COL4A1: variants seen among roughly 807,000 people sequenced by gnomAD.
COL4A1 encodes collagen alpha-1(IV) chain.
In COL4A1, 40 loss-of-function variants were observed where a neutral mutation model predicts 216.6. The ratio of observed to expected loss-of-function variants is 0.18; its 90% CI spans 0.14 to 0.24. COL4A1 has a LOEUF of 0.24. COL4A1 is among the 10% of genes least tolerant of loss of function. The pLI is 1.00. For missense variants in COL4A1, 1,628 were observed against 2,196.8 expected, an observed-to-expected ratio of 0.74 and a Z score of 5.18; for synonymous variants, 839 against 810.7, an observed-to-expected ratio of 1.03 and a Z score of -0.59.
At chr13:110,197,431 C>T (rs1244082380) in intron 21 of COL4A1, among the ~76,000 whole-genome samples, 1 of 152,148 alleles carries the variant, frequency 6.6e-6, no homozygotes, top group African/African-American at 2.4e-5. Flanking sequence ...AACCCAAAGG[C>T]CCCTTGGTCA....
intron 1 of COL4A1, among the ~76,000 whole-genome samples, chr13:110,251,112 A>C (rs916874047): frequency 3.3e-5 from 5 of 152,180 alleles, no homozygotes; most frequent in African/African-American, 9.7e-5. Flanking sequence ...GACAGGCACG[A>C]AAAAAGACGT....
At chr13:110,236,742 C>G (rs1432511253) in intron 2 of COL4A1, among the ~76,000 whole-genome samples, 1 of 152,228 alleles carries the variant, frequency 6.6e-6, no homozygotes, top group Non-Finnish European at 1.5e-5. Flanking sequence ...AGTGCTCACG[C>G]TGGGGGTGTT....
At chr13:110,302,637 T>C (rs1304923103) in intron 1 of COL4A1, among the ~76,000 whole-genome samples, 1 of 152,244 alleles carries the variant, frequency 6.6e-6, no homozygotes, top group Non-Finnish European at 1.5e-5. Flanking sequence ...GCTCACTGTG[T>C]ACCAGACTAT....
intron 17 of COL4A1, among the ~76,000 whole-genome samples, chr13:110,204,645 T>C (rs1396170390): frequency 1.7e-5 from 2 of 115,348 alleles, no homozygotes; most frequent in African/African-American, 2.9e-5. Context: ...AAATATTTTT[T>C]AGATTTTTTT....
At chr13:110,279,292 G>GT (rs1397479135) in intron 1 of COL4A1, among the ~76,000 whole-genome samples, 1 of 152,062 alleles carries the variant, frequency 6.6e-6, no homozygotes, top group Non-Finnish European at 1.5e-5. Flanking sequence ...GGAAGGTGAG[G>GT]TTTTCTGGAG....
In COL4A1 at chr13:110,207,284, T is replaced by G; in HGVS notation, c.780+119A>C. ...ATGGACTGAACAGTCTATAAATCTG[T>G]TTTCCAGACCAGGATTGAATGTAGC... On this transcript the variant is annotated intron_variant, in intron 13 of 51. Transcript: ENST00000375820. This position sits in a 1 kb window ranked among gnomAD's most constrained non-coding sequence, Gnocchi z 4.4. The G allele has an allele frequency of 2.2e-6, 2 of 895,830 alleles. No homozygotes were observed. The highest frequency in any genetic ancestry group is 3.7e-6 in the Non-Finnish European group (2 of 539,624). 55.5% of individuals were successfully genotyped at this position (895,830 alleles called of 1,614,324 possible). A position where few individuals can be genotyped will look rare whatever the true frequency, so the allele number is the denominator to read the frequency against.
At chr13:110,177,312 TC>T (rs1877932711) in intron 33 of COL4A1, among the ~76,000 whole-genome samples, 1 of 152,204 alleles carries the variant, frequency 6.6e-6, no homozygotes, top group African/African-American at 2.4e-5. Flanking sequence ...TACATTTCTC[TC>T]CTTCCTACAT....
chr13:110,260,703 C>T (rs879559078), intron 1 of COL4A1, among the ~76,000 whole-genome samples: 10 of 152,046 alleles, frequency 6.6e-5, no homozygotes, highest in South Asian at 2.1e-4. Context: ...ATGGTGGGGA[C>T]GGTCACACAA....
intron 1 of COL4A1, among the ~76,000 whole-genome samples, chr13:110,253,701 CGTAT>C (rs5806846): frequency 1.7e-5 from 2 of 118,434 alleles, no homozygotes; most frequent in East Asian, 2.2e-4. Context: ...TATAATTATA[CGTAT>C]GTATTACATA....
At chr13:110,275,584 G>A (rs1219235890) in intron 1 of COL4A1, among the ~76,000 whole-genome samples, 1 of 152,156 alleles carries the variant, frequency 6.6e-6, no homozygotes, top group Non-Finnish European at 1.5e-5. Context: ...ATGTCCACAC[G>A]AAACCCTGCA....
At chr13:110,215,677 AC>A (rs1880038475) in intron 2 of COL4A1, among the ~76,000 whole-genome samples, 1 of 152,228 alleles carries the variant, frequency 6.6e-6, no homozygotes, top group Admixed American at 6.5e-5. Context: ...AGATTCAGTA[AC>A]CATTGTTAGC....
intron 1 of COL4A1, among the ~76,000 whole-genome samples, chr13:110,281,760 G>A (rs549441084): frequency 5.9e-5 from 9 of 152,280 alleles, no homozygotes; most frequent in South Asian, 4.1e-4. Flanking sequence ...TGGTATGGCC[G>A]TTTACCAATC....
At chr13:110,180,301 A>G (rs1878084981) in intron 29 of COL4A1, among the ~76,000 whole-genome samples, 1 of 152,268 alleles carries the variant, frequency 6.6e-6, no homozygotes, top group Admixed American at 6.5e-5. Flanking sequence ...TAAATGTTCA[A>G]ATGCAACGTA....
At chr13:110,163,599 C>T in intron 46 of COL4A1, 38 bp from the exon 47 acceptor site, 2 of 1,550,416 alleles carry the variant, frequency 1.3e-6, no homozygotes, top group South Asian at 2.3e-5. Flanking sequence ...TCCTGTATGG[C>T]AGTAAGCTGT....
intron 49 of COL4A1, among the ~76,000 whole-genome samples, chr13:110,160,367 C>A (rs895481286): frequency 3.3e-5 from 2 of 61,314 alleles, no homozygotes; most frequent in Non-Finnish European, 6.5e-5. Context: ...GCGTGAACCC[C>A]GGGAAGCGGA....
At chr13:110,170,512 G>A in intron 42 of COL4A1, 35 bp downstream of exon 42, 1 of 1,566,278 alleles carries the variant, frequency 6.4e-7, no homozygotes, top group Non-Finnish European at 8.7e-7. Flanking sequence ...TTCTGTCCCA[G>A]TCCTCAGCCC....
At chr13:110,239,890 A>AT (rs774061403) in intron 2 of COL4A1, among the ~76,000 whole-genome samples, 23 of 152,314 alleles carry the variant, frequency 1.5e-4, no homozygotes, top group Non-Finnish European at 2.9e-4. Flanking sequence ...TAAATTGATT[A>AT]TTTTAACAGG....
chr13:110,270,332 AG>A (rs1883200060), intron 1 of COL4A1, among the ~76,000 whole-genome samples: 1 of 152,152 alleles, frequency 6.6e-6, no homozygotes, highest in Non-Finnish European at 1.5e-5. Context: ...ACAAGGAAGG[AG>A]AATCTAAATC....
At chr13:110,210,291 G>T in intron 8 of COL4A1, 79 bp from the exon 9 acceptor site, 2 of 1,355,200 alleles carry the variant, frequency 1.5e-6, no homozygotes, top group Non-Finnish European at 2.1e-6. Context: ...TTGATAGTTG[G>T]CATATATTAG....
Sources: gnomAD v4.1 joint callset for allele counts (sites outside exome capture counted in the v4.1 genomes callset) on GRCh38, gnomAD v4.1.1 for gene constraint, Gnocchi (gnomAD v3.1) non-coding constraint, MANE v1.5 for transcripts, NCBI Gene and HGNC (gene_info 2026-07-23, HGNC 2026-07-21) for gene names.